The following RAB2A variants were observed in gnomAD, a reference collection of about 807,000 sequenced individuals.
RAB2A encodes the protein ras-related protein Rab-2A.
A neutral mutation model predicts 32.5 loss-of-function variants in RAB2A; 7 were observed. That is an observed-to-expected ratio of 0.22 (90% CI 0.12 to 0.40). The LOEUF is 0.40. Among genes scored for constraint, RAB2A ranks in the 10% least tolerant of loss-of-function variants. The pLI, the probability that RAB2A is intolerant of heterozygous loss-of-function variation, is 1.00. For missense variants in RAB2A, 108 were observed against 260.7 expected (o/e 0.41, Z 4.03); for synonymous variants, 79 against 85.2 (o/e 0.93, Z 0.40).
intron 1 of RAB2A, among the ~76,000 whole-genome samples, chr8:60,555,412 A>T (rs1411776559): frequency 6.6e-6 from 1 of 150,820 alleles, no homozygotes. Context: ...CTTCACAGCA[A>T]AGGAAACAAT....
At chr8:60,528,796 A>G (rs916700917) in intron 1 of RAB2A, among the ~76,000 whole-genome samples, 5 of 152,106 alleles carry the variant, frequency 3.3e-5, no homozygotes, top group African/African-American at 4.8e-5. Flanking sequence ...TGGTCTGTCA[A>G]ACTCCTGGCC....
At chr8:60,580,246 C>G (rs905815134) in intron 3 of RAB2A, among the ~76,000 whole-genome samples, 1 of 145,376 alleles carries the variant, frequency 6.9e-6, no homozygotes, top group African/African-American at 2.6e-5. Flanking sequence ...CTGCCTGTCT[C>G]GGCCTCCCAA....
intron 1 of RAB2A, among the ~76,000 whole-genome samples, chr8:60,526,111 A>G (rs1220014504): frequency 6.7e-6 from 1 of 149,908 alleles, no homozygotes; most frequent in Non-Finnish European, 1.5e-5. Context: ...CTGAAACAAC[A>G]TGAATTTATC....
chr8:60,529,879 C>T (rs1335592172), intron 1 of RAB2A, among the ~76,000 whole-genome samples: 1 of 152,124 alleles, frequency 6.6e-6, no homozygotes, highest in African/African-American at 2.4e-5. Context: ...ATAAATCTTG[C>T]AGCGGATTTG....
chr8:60,611,815 G>A (rs1213975656), intron 6 of RAB2A, among the ~76,000 whole-genome samples: 3 of 152,052 alleles, frequency 2.0e-5, no homozygotes, highest in Admixed American at 6.5e-5. Context: ...ATTACAAAAC[G>A]TCAGTCATTG....
intron 2 of RAB2A, 115 bp from the exon 3 acceptor site, chr8:60,571,931 G>A (rs41272423): frequency 2.0e-5 from 12 of 611,586 alleles, no homozygotes; most frequent in South Asian, 7.9e-5. Context: ...TGTTAAAGTT[G>A]ATCTGTATAT....
chr8:60,584,426 A>G (rs1803815957), intron 4 of RAB2A, 136 bp downstream of exon 4: 1 of 707,598 alleles, frequency 1.4e-6, no homozygotes. Flanking sequence ...CTTGAGTCCA[A>G]TTTAAATTTA....
intron 1 of RAB2A, chr8:60,551,856 A>ATTTTTTTTTTTTTTTTTTTT (rs34092556): frequency 1.1e-5 from 1 of 90,524 alleles, no homozygotes; most frequent in Non-Finnish European, 2.1e-5. Flanking sequence ...CCATGCCTTG[A>ATTTTTTTTTTTTTTTTTTTT]TTTTTTTTTT....
chr8:60,523,642 T>C (rs1807334462), intron 1 of RAB2A, among the ~76,000 whole-genome samples: 2 of 152,116 alleles, frequency 1.3e-5, no homozygotes, highest in Non-Finnish European at 2.9e-5. Context: ...AGCTGAAACA[T>C]ATCTTTTAAC....
intron 1 of RAB2A, among the ~76,000 whole-genome samples, chr8:60,523,456 C>T (rs190757158): frequency 1.6e-4 from 24 of 151,694 alleles, no homozygotes; most frequent in Admixed American, 3.9e-4. Context: ...CACGCCCGGC[C>T]AAGGACTCCA....
At chr8:60,534,423 T>C (rs2130812677) in intron 1 of RAB2A, among the ~76,000 whole-genome samples, 1 of 152,066 alleles carries the variant, frequency 6.6e-6, no homozygotes. Context: ...CACTGATGCC[T>C]GTGAATAGCC....
chr8:60,547,635 C>T (rs1329049752), intron 1 of RAB2A, among the ~76,000 whole-genome samples: 5 of 121,134 alleles, frequency 4.1e-5, no homozygotes, highest in African/African-American at 8.8e-5. Context: ...CCGGACGGGG[C>T]GGCTGGCCAG....
At chr8:60,587,762 TTAAA>T (rs36084526) in intron 5 of RAB2A, among the ~76,000 whole-genome samples, 11,387 of 152,128 alleles carry the variant, frequency 0.075, 1,279 homozygotes, top group African/African-American at 0.25. Flanking sequence ...ACCTATCAAT[TTAAA>T]TAAATAAATT....
rs562797618 is a variant in RAB2A, at chr8:60,579,323, G to A, written c.187-4885G>A. Among the ~76,000 whole-genome samples, 18 of 152,298 alleles carry A rather than the reference G, an allele frequency of 1.2e-4. No homozygotes were observed. The South Asian group carries it at 2.1e-3, about 18-fold the overall frequency. On this transcript the variant is annotated intron_variant, in intron 3 of 7. Coordinates refer to ENST00000262646, the MANE Select transcript of RAB2A (RefSeq NM_002865.3). ...CTCCCAAAGTGCTGGGATTACAGGC[G>A]TGAGCCACCACACCCAGCTAATCCT...
At chr8:60,591,136 G>T (rs1269214038) in intron 5 of RAB2A, among the ~76,000 whole-genome samples, 1 of 151,466 alleles carries the variant, frequency 6.6e-6, no homozygotes. Flanking sequence ...TAATAATAAA[G>T]TTTTTTAACT....
chr8:60,606,756 T>C lies in RAB2A; in HGVS notation c.475-11824T>C, dbSNP rs141510745. ...ATTTTTCTAACAGTTGCCCAAGCTA[T>C]ACCTGGGCCTTTTTGAGCTGCAGCT... On this transcript the variant is annotated intron_variant, in intron 6 of 7. Transcript: ENST00000262646. Among the ~76,000 whole-genome samples, 340 of 152,362 alleles carry C rather than the reference T, an allele frequency of 2.2e-3. 3 individuals carry two copies. Among genetic ancestry groups the C allele is most frequent in the Middle Eastern group, 0.017 (5 of 294 alleles).
chr8:60,613,118 A>G (rs1419517340), intron 6 of RAB2A, among the ~76,000 whole-genome samples: 1 of 152,194 alleles, frequency 6.6e-6, no homozygotes, highest in Non-Finnish European at 1.5e-5. Context: ...TGGGGGGCTC[A>G]TTGTGCACAT....
chr8:60,541,937 T>G (rs144032376), intron 1 of RAB2A, among the ~76,000 whole-genome samples: 1 of 152,116 alleles, frequency 6.6e-6, no homozygotes. Flanking sequence ...GTTTTTCCCC[T>G]GAAACCAGAC....
chr8:60,559,565 T>C (rs1248817960), intron 2 of RAB2A, among the ~76,000 whole-genome samples: 1 of 152,194 alleles, frequency 6.6e-6, no homozygotes, highest in East Asian at 1.9e-4. Flanking sequence ...TGTATTAATA[T>C]GCAAAGGAAA....
Sources: allele counts gnomAD v4.1 joint callset (sites outside exome capture counted in the v4.1 genomes callset), GRCh38; gene constraint gnomAD v4.1.1; transcripts MANE v1.5; gene names NCBI Gene and HGNC (gene_info 2026-07-23, HGNC 2026-07-21).